NAV2: variants seen among roughly 807,000 people sequenced by gnomAD.
The protein encoded by NAV2 is neuron navigator 2.
A neutral mutation model predicts 223.2 loss-of-function variants in NAV2; 54 were observed. The observed-to-expected ratio is 0.24, with a 90% CI of 0.19 to 0.30. The LOEUF (loss-of-function observed/expected upper bound fraction) is 0.30. Among genes scored for constraint, NAV2 ranks in the 10% least tolerant of loss-of-function variants. NAV2 has a pLI of 1.00. For synonymous variants in NAV2, 1,279 were observed against 1,239.3 expected (o/e 1.03, Z -0.67); for missense variants, 2,806 against 3,147.5 (o/e 0.89, Z 2.60).
chr11:20,114,052 C>A (rs58007547), intron 36 of NAV2, among the ~76,000 whole-genome samples: 1 of 152,100 alleles, frequency 6.6e-6, no homozygotes, highest in Admixed American at 6.6e-5. Flanking sequence ...GCCATTGTGA[C>A]CTCTGCCTGC....
chr11:19,412,210 TG>T (rs1177867883), intron 1 of NAV2, among the ~76,000 whole-genome samples: 12 of 152,190 alleles, frequency 7.9e-5, no homozygotes, highest in Non-Finnish European at 1.8e-4. Context: ...AGTCTGAAGT[TG>T]ACCTGGGATG....
chr11:20,095,802 C>T, intron 30 of NAV2, 35 bp downstream of exon 30: 1 of 1,502,214 alleles, frequency 6.7e-7, no homozygotes, highest in Non-Finnish European at 9.3e-7. Context: ...CAGCATACTA[C>T]CTAACATGGG....
intron 1 of NAV2, among the ~76,000 whole-genome samples, chr11:19,718,801 T>G (rs2050521517): frequency 6.6e-6 from 1 of 152,244 alleles, no homozygotes; most frequent in African/African-American, 2.4e-5. Context: ...TGTGTATATA[T>G]CTGTATATAA....
chr11:19,788,006 G>GT (rs2057263090), intron 1 of NAV2, among the ~76,000 whole-genome samples: 1 of 152,140 alleles, frequency 6.6e-6, no homozygotes, highest in Non-Finnish European at 1.5e-5. Flanking sequence ...ATTCTAAGCA[G>GT]TGTGGTTCCA....
At chr11:19,441,429 GACACACACACACACACACGC>G (rs1652227858) in intron 1 of NAV2, among the ~76,000 whole-genome samples, 1 of 141,314 alleles carries the variant, frequency 7.1e-6, no homozygotes, top group Non-Finnish European at 1.5e-5. Context: ...AGGACACTGG[GACACACACACACACACACGC>G]ACACACACAC....
In NAV2 at chr11:19,828,433, C is replaced by T. The variant is rs117533675; in HGVS notation, c.268-4051C>T. ...TTGTAGGTACCTCTGTAAGTGGAAA[C>T]ATGCAATATTGTCCTTTTGTATCTG... On this transcript the variant is annotated intron_variant, in intron 1 of 37. Coordinates refer to ENST00000349880, the MANE Select transcript of NAV2 (RefSeq NM_145117.5). Among the ~76,000 whole-genome samples the T allele has an allele frequency of 4.6e-5, 7 of 151,818 alleles. No homozygotes were observed. In the East Asian group the frequency reaches 1.4e-3, roughly 29 times the overall value.
In NAV2 at chr11:19,560,248, C is replaced by G. The variant is rs1322465924; in HGVS notation, c.75+209221C>G. On this transcript the variant is annotated intron_variant, in intron 1 of 37. Coordinates refer to the NAV2 transcript ENST00000360655. Reference sequence around the variant, plus strand: ...ATGTGCTTCCTGAGAAATCTGATAACTAATCACAAGCTTTAGACAAACCCT... The same window carrying G: ...ATGTGCTTCCTGAGAAATCTGATAAGTAATCACAAGCTTTAGACAAACCCT... 2.0e-5 allele frequency among the ~76,000 whole-genome samples: 3 copies of G among 152,136 alleles called. No homozygotes were observed. In the South Asian group the frequency reaches 6.2e-4, roughly 32 times the overall value.
intron 1 of NAV2, among the ~76,000 whole-genome samples, chr11:19,391,909 T>C (rs1849264520): frequency 6.6e-6 from 1 of 152,126 alleles, no homozygotes; most frequent in Non-Finnish European, 1.5e-5. Context: ...ATTAACCAGC[T>C]CTCCTGTATA....
In NAV2 at chr11:20,038,966, C is replaced by T. The variant is rs181871359; in HGVS notation, c.2907+2869C>T. ...GATTCCTTTTGTCTGTGAGGGACTC[C>T]GCTATCACTGGGGACATTGAGGAGC... is the stretch of plus-strand genomic sequence containing the variant. On this transcript the variant is annotated intron_variant, in intron 12 of 37. Transcript: ENST00000349880. 3.9e-5 allele frequency among the ~76,000 whole-genome samples: 6 copies of T among 152,272 alleles called. No homozygotes were observed. The East Asian group carries it at 7.7e-4, about 20-fold the overall frequency.
intron 1 of NAV2, among the ~76,000 whole-genome samples, chr11:19,643,426 G>A (rs907490827): frequency 6.7e-6 from 1 of 148,908 alleles, no homozygotes; most frequent in African/African-American, 2.5e-5. Context: ...TTGGTTTTTC[G>A]TCCTTGCGAT....
At chr11:19,862,762 A>G (rs2061865545) in intron 3 of NAV2, among the ~76,000 whole-genome samples, 1 of 152,134 alleles carries the variant, frequency 6.6e-6, no homozygotes, top group Admixed American at 6.5e-5. Context: ...CAACACTGAT[A>G]CAGGTGGACA....
chr11:20,114,094 G>A (rs556452257), intron 36 of NAV2, among the ~76,000 whole-genome samples: 22 of 152,280 alleles, frequency 1.4e-4, no homozygotes, highest in Non-Finnish European at 2.4e-4. Context: ...AGGTATGTAG[G>A]CAGTATTCTT....
At chr11:19,662,598 C>T (rs569374081) in intron 1 of NAV2, among the ~76,000 whole-genome samples, 3 of 152,384 alleles carry the variant, frequency 2.0e-5, no homozygotes, top group South Asian at 2.1e-4. Context: ...GGAGGGGTGA[C>T]AGTGTGGCCC....
intron 1 of NAV2, among the ~76,000 whole-genome samples, chr11:19,364,555 GCT>G (rs1202347584): frequency 2.0e-5 from 3 of 152,180 alleles, no homozygotes; most frequent in Non-Finnish European, 4.4e-5. Flanking sequence ...TGGGTCTTTA[GCT>G]CCTGCTAGCC....
intron 26 of NAV2, among the ~76,000 whole-genome samples, chr11:20,090,265 T>C (rs2153682050): frequency 1.3e-5 from 2 of 152,282 alleles, no homozygotes; most frequent in Admixed American, 1.3e-4. Context: ...GGTTTGGAAC[T>C]CAAGGGCGTG....
chr11:20,000,905 CGTCCT>C (rs2052478727), intron 11 of NAV2, among the ~76,000 whole-genome samples: 1 of 152,144 alleles, frequency 6.6e-6, no homozygotes, highest in African/African-American at 2.4e-5. Context: ...CTGCTGTGCC[CGTCCT>C]GTTACCCAGC....
chr11:20,030,298 G>A (rs1183796275), intron 11 of NAV2, among the ~76,000 whole-genome samples: 1 of 152,092 alleles, frequency 6.6e-6, no homozygotes, highest in African/African-American at 2.4e-5. Context: ...AAAAATCATT[G>A]ATTCATTCAA....
Position 20,077,987 on chromosome 11 carries a change from C to G in NAV2, c.5068-6C>G. The G allele has an allele frequency of 6.2e-7, 1 of 1,604,106 alleles. No individual in the cohort carries two copies. The highest frequency in any genetic ancestry group is 1.3e-5 in the African/African-American group (1 of 74,738). The stretch of plus-strand genomic sequence containing the variant: ...AGGCTGACCAATAATTTTTTCTGTT[C>G]CCTAGGACTCAGAACTGAATGAGTT... On this transcript the variant is annotated splice_region_variant and splice_polypyrimidine_tract_variant and intron_variant, in intron 23 of 37. Coordinates refer to ENST00000349880, the MANE Select transcript of NAV2 (RefSeq NM_145117.5).
intron 6 of NAV2, among the ~76,000 whole-genome samples, chr11:19,912,908 G>A (rs1368931431): frequency 6.6e-6 from 1 of 152,212 alleles, no homozygotes; most frequent in Non-Finnish European, 1.5e-5. Context: ...GAGTTGTCCA[G>A]GGAAACCCAT....
Sources: allele counts gnomAD v4.1 joint callset (sites outside exome capture counted in the v4.1 genomes callset), GRCh38; gene constraint gnomAD v4.1.1; transcripts MANE v1.5; gene names NCBI Gene and HGNC (gene_info 2026-07-23, HGNC 2026-07-21).